PVT1: variants seen among roughly 807,000 people sequenced by gnomAD.
The protein encoded by PVT1 is Pvt1 oncogene, also known as CXCR4/PVT1 fusion.
intron 4 of PVT1, among the ~76,000 whole-genome samples, chr8:128,019,397 G>A (rs1175195220): frequency 2.0e-5 from 3 of 152,174 alleles, no homozygotes; most frequent in South Asian, 4.1e-4. Flanking sequence ...TTATGCAAAT[G>A]TAGTGGTGCA....
At chr8:127,998,856 CCTCT>C (rs1330523070) in intron 4 of PVT1, among the ~76,000 whole-genome samples, 20 of 128,222 alleles carry the variant, frequency 1.6e-4, no homozygotes, top group Middle Eastern at 4.2e-3. Context: ...TCCCTCCCTC[CCTCT>C]CTCTCTCTCT....
At chr8:128,033,651 G>C (rs1380129746) in intron 4 of PVT1, among the ~76,000 whole-genome samples, 3 of 152,182 alleles carry the variant, frequency 2.0e-5, no homozygotes, top group African/African-American at 7.2e-5. Context: ...TAGTGTGCAG[G>C]CTGGGGCCTC....
chr8:127,891,809 C>T (rs182006575), intron 3 of PVT1, among the ~76,000 whole-genome samples: 25 of 152,314 alleles, frequency 1.6e-4, no homozygotes, highest in Non-Finnish European at 2.6e-4. Flanking sequence ...TTCCCTGCAG[C>T]CCATGGGAAG....
chr8:127,933,136 C>T (rs1447741649), intron 3 of PVT1, among the ~76,000 whole-genome samples: 1 of 152,148 alleles, frequency 6.6e-6, no homozygotes, highest in African/African-American at 2.4e-5. Context: ...AGTGCAATGG[C>T]ACGATCTCGG....
intron 3 of PVT1, among the ~76,000 whole-genome samples, chr8:127,956,508 C>T (rs549110429): frequency 1.8e-4 from 28 of 152,334 alleles, no homozygotes; most frequent in South Asian, 1.7e-3. Flanking sequence ...TTTTTTGAGA[C>T]GAAGTCTCGC....
intron 3 of PVT1, among the ~76,000 whole-genome samples, chr8:127,955,332 A>G (rs1816555715): frequency 6.6e-6 from 1 of 152,106 alleles, no homozygotes. Flanking sequence ...ATTATGAGAA[A>G]ATAAATTTCT....
chr8:127,860,116 C>G (rs1563623603), intron 2 of PVT1, among the ~76,000 whole-genome samples: 1 of 152,184 alleles, frequency 6.6e-6, no homozygotes, highest in African/African-American at 2.4e-5. Context: ...CTGGGCAGGG[C>G]CACTTCCTAG....
intron 4 of PVT1, among the ~76,000 whole-genome samples, chr8:128,053,201 G>A (rs1586499520): frequency 1.3e-5 from 2 of 152,140 alleles, no homozygotes; most frequent in South Asian, 4.1e-4. Context: ...GTGACTATGA[G>A]CAAAGTGTTT....
At chr8:128,037,347 A>G (rs774894093) in intron 4 of PVT1, among the ~76,000 whole-genome samples, 6 of 152,198 alleles carry the variant, frequency 3.9e-5, no homozygotes, top group Non-Finnish European at 8.8e-5. Context: ...TCTATAATTT[A>G]TGTGTTTAAT....
intron 4 of PVT1, among the ~76,000 whole-genome samples, chr8:128,052,132 G>A (rs183605361): frequency 3.3e-5 from 5 of 152,316 alleles, no homozygotes; most frequent in Non-Finnish European, 7.3e-5. Flanking sequence ...GGGTCTGAGG[G>A]CAAGTTTACT....
intron 4 of PVT1, among the ~76,000 whole-genome samples, chr8:128,032,934 C>G (rs1361750502): frequency 6.6e-6 from 1 of 152,190 alleles, no homozygotes; most frequent in Non-Finnish European, 1.5e-5. Flanking sequence ...AGTGACCTCA[C>G]CACACTGAGT....
intron 4 of PVT1, among the ~76,000 whole-genome samples, chr8:128,038,398 C>T (rs905198381): frequency 1.1e-4 from 17 of 152,170 alleles, no homozygotes; most frequent in African/African-American, 2.9e-4. Context: ...GAGGTTGCCG[C>T]GGTGAACAGC....
At chr8:127,920,562 G>A (rs1408419648) in intron 3 of PVT1, among the ~76,000 whole-genome samples, 4 of 152,160 alleles carry the variant, frequency 2.6e-5, no homozygotes, top group South Asian at 2.1e-4. Flanking sequence ...TTTATGATAC[G>A]ATAAACACTC....
At chr8:127,856,632 C>G (rs371836406) in intron 2 of PVT1, among the ~76,000 whole-genome samples, 1 of 152,162 alleles carries the variant, frequency 6.6e-6, no homozygotes, top group African/African-American at 2.4e-5. Context: ...TGAGCTACCA[C>G]GCCCAGCCCC....
At chr8:127,875,473 A>G (rs1284133484) in intron 2 of PVT1, among the ~76,000 whole-genome samples, 1 of 152,262 alleles carries the variant, frequency 6.6e-6, no homozygotes, top group African/African-American at 2.4e-5. Context: ...TCCGTTCCTC[A>G]TCTATGAAAT....
At chr8:127,940,417 C>T (rs189269066) in intron 3 of PVT1, 4 of 152,226 alleles carry the variant, frequency 2.6e-5, no homozygotes, top group East Asian at 1.9e-4. Context: ...TGGTCAGACC[C>T]GGTTCTGCTC....
chr8:128,003,955 G>A (rs190182797), intron 4 of PVT1, among the ~76,000 whole-genome samples: 1 of 152,324 alleles, frequency 6.6e-6, no homozygotes, highest in Non-Finnish European at 1.5e-5. Flanking sequence ...TCTGGTGGGG[G>A]CTCTCCTCTT....
At chr8:127,827,912 G>A (rs979295416) in intron 2 of PVT1, among the ~76,000 whole-genome samples, 2 of 152,130 alleles carry the variant, frequency 1.3e-5, no homozygotes, top group African/African-American at 4.8e-5. Flanking sequence ...AACATCTGGT[G>A]AGCCAGGCTG....
chr8:127,947,593 C>A, intron 3 of PVT1: 1 of 404,244 alleles, frequency 2.5e-6, no homozygotes, highest in South Asian at 1.8e-5. Context: ...TTAGATTTGG[C>A]AGAATGAAAG....
Sources: allele counts gnomAD v4.1 joint callset (sites outside exome capture counted in the v4.1 genomes callset), GRCh38; gene constraint gnomAD v4.1.1; transcripts MANE v1.5; gene names NCBI Gene and HGNC (gene_info 2026-07-23, HGNC 2026-07-21).